TMTC3: variants seen among roughly 807,000 people sequenced by gnomAD.
TMTC3 encodes the protein transmembrane O-mannosyltransferase targeting cadherins 3.
In TMTC3, 52 loss-of-function variants were observed where a neutral mutation model predicts 92.2. That is an observed-to-expected ratio of 0.56 (90% CI 0.45 to 0.71). The LOEUF is 0.71. Ranked by LOEUF, TMTC3 falls within the 30% of genes least tolerant of loss-of-function variation. TMTC3 has a pLI of 0.00. For synonymous variants in TMTC3, 339 were observed against 363.3 expected (o/e 0.93, Z 0.76); for missense variants, 896 against 1,057.1 (o/e 0.85, Z 2.11).
In TMTC3 at chr12:88,192,678, GAAAT is replaced by G; in HGVS notation, c.1784_1787del (p.Asn595MetfsTer22). On this transcript the variant is annotated frameshift_variant, in exon 13 of 14. Coordinates refer to ENST00000266712, the MANE Select transcript of TMTC3 (RefSeq NM_181783.4). LOFTEE classifies it high-confidence loss of function. ...TATCTTAAAGCACTAGAGCTGGACA[GAAAT>G]AATGCAGATCTTTGGTACAACTTGG... 1.9e-6 allele frequency: 3 copies of G among 1,613,448 alleles called. No individual in the cohort carries two copies. The highest frequency in any genetic ancestry group is 2.5e-6 in the Non-Finnish European group (3 of 1,179,642).
chr12:88,153,175 G>C, intron 2 of TMTC3, 116 bp from the exon 3 acceptor site: 1 of 607,438 alleles, frequency 1.6e-6, no homozygotes, highest in South Asian at 2.5e-5. Flanking sequence ...ATATTTTATT[G>C]TTATTTCTCA....
intron 6 of TMTC3, 58 bp downstream of exon 6, chr12:88,160,909 G>A: frequency 6.9e-7 from 1 of 1,459,580 alleles, no homozygotes; most frequent in Non-Finnish European, 9.3e-7. Context: ...GGATTTTAAT[G>A]ATCATAAATG....
chr12:88,172,579 TTC>T lies in TMTC3; in HGVS notation c.1051-16_1051-15del. 2 of 1,322,462 alleles carry T rather than the reference TTC, an allele frequency of 1.5e-6. No homozygotes were observed. The highest frequency in any genetic ancestry group is 2.4e-5 in the South Asian group (1 of 41,370). 81.9% of individuals were successfully genotyped at this position (1,322,462 alleles called of 1,614,324 possible). A position where few individuals can be genotyped will look rare whatever the true frequency, so the allele number is the denominator to read the frequency against. On this transcript the variant is annotated splice_polypyrimidine_tract_variant and intron_variant, in intron 7 of 13. Coordinates refer to ENST00000266712, the MANE Select transcript of TMTC3 (RefSeq NM_181783.4). ...TAAATTTATTATAAATTATTAAATC[TTC>T]TTTTTTTTTTTGTAGGCGCTTTGTT...
intron 2 of TMTC3, among the ~76,000 whole-genome samples, chr12:88,151,645 C>T (rs924729765): frequency 6.6e-6 from 1 of 152,070 alleles, no homozygotes; most frequent in Non-Finnish European, 1.5e-5. Context: ...TCTAATAGTC[C>T]TAACTGAACA....
chr12:88,150,491 C>G (rs1442152514), intron 2 of TMTC3, among the ~76,000 whole-genome samples: 2 of 152,074 alleles, frequency 1.3e-5, no homozygotes, highest in African/African-American at 2.4e-5. Context: ...CTCAGCTTTG[C>G]AGATTGAAAA....
chr12:88,149,282 T>C (rs2040912935), intron 2 of TMTC3, among the ~76,000 whole-genome samples: 1 of 152,184 alleles, frequency 6.6e-6, no homozygotes, highest in Non-Finnish European at 1.5e-5. Flanking sequence ...TGTTAAACTG[T>C]TGGGATTAAA....
intron 10 of TMTC3, among the ~76,000 whole-genome samples, chr12:88,186,554 T>A (rs1337642303): frequency 6.6e-6 from 1 of 152,198 alleles, no homozygotes; most frequent in Non-Finnish European, 1.5e-5. Context: ...GATTGTTAAC[T>A]CATGCTGCTG....
At chr12:88,193,072 T>A (rs2041462158) in intron 13 of TMTC3, among the ~76,000 whole-genome samples, 1 of 152,144 alleles carries the variant, frequency 6.6e-6, no homozygotes, top group Non-Finnish European at 1.5e-5. Flanking sequence ...TAAGACTAAT[T>A]TTTCAGGCAG....
chr12:88,146,613 A>G (rs12316715), intron 1 of TMTC3, among the ~76,000 whole-genome samples: 10,593 of 66,860 alleles, frequency 0.16, 1,080 homozygotes, highest in African/African-American at 0.3. Context: ...GTGTGTGTGT[A>G]TATATATATA....
Position 88,197,887 on chromosome 12 carries a change from G to T in TMTC3, c.*2238G>T, listed in dbSNP as rs2041533557. 1 of 153,088 alleles carries T rather than the reference G, an allele frequency of 6.5e-6. No homozygotes were observed. The highest frequency in any genetic ancestry group is 1.5e-5 in the Non-Finnish European group (1 of 68,746). The allele number at this position is 153,088 out of a possible 1,614,324, so 9.5% of individuals were successfully genotyped here. On this transcript the variant is annotated 3_prime_UTR_variant, in exon 14 of 14. Coordinates refer to ENST00000266712, the MANE Select transcript of TMTC3 (RefSeq NM_181783.4). ...TAAGTCTAAATTTCTGGAAGATGGA[G>T]CCATGCTTGTTTTTCCAAAAGCTCT...
At chr12:88,194,299 A>T (rs1362652154) in intron 13 of TMTC3, among the ~76,000 whole-genome samples, 3 of 152,188 alleles carry the variant, frequency 2.0e-5, no homozygotes, top group Non-Finnish European at 4.4e-5. Context: ...TCCTCGAAAC[A>T]TTCCTAAAAC....
At chr12:88,184,586 A>G (rs1458934971) in intron 10 of TMTC3, among the ~76,000 whole-genome samples, 1 of 152,250 alleles carries the variant, frequency 6.6e-6, no homozygotes, top group East Asian at 1.9e-4. Flanking sequence ...AGGCTGAAAG[A>G]GAATGGATAG....
At chr12:88,145,515 A>C (rs1003288329) in intron 1 of TMTC3, among the ~76,000 whole-genome samples, 7 of 152,200 alleles carry the variant, frequency 4.6e-5, no homozygotes, top group African/African-American at 1.7e-4. Context: ...TATTTTGCCA[A>C]GGTTAGGGAC....
chr12:88,164,736 A>T (rs1372935707), intron 6 of TMTC3, among the ~76,000 whole-genome samples: 1 of 152,208 alleles, frequency 6.6e-6, no homozygotes, highest in East Asian at 1.9e-4. Flanking sequence ...CAAAAGGCCA[A>T]CATGTTATTC....
At chr12:88,146,889 T>A (rs1477573113) in intron 1 of TMTC3, among the ~76,000 whole-genome samples, 1 of 150,106 alleles carries the variant, frequency 6.7e-6, no homozygotes, top group African/African-American at 2.4e-5. Context: ...TAGTCAGTAG[T>A]TTAATATGTT....
intron 4 of TMTC3, among the ~76,000 whole-genome samples, chr12:88,154,856 C>T (rs2040986792): frequency 1.3e-5 from 2 of 152,178 alleles, no homozygotes; most frequent in Non-Finnish European, 2.9e-5. Context: ...CTGGAAAGTG[C>T]TTCGAATACA....
chr12:88,146,611 G>GTGTGTGTATA (rs755721380), intron 1 of TMTC3, among the ~76,000 whole-genome samples: 4 of 147,880 alleles, frequency 2.7e-5, no homozygotes, highest in African/African-American at 9.9e-5. Flanking sequence ...GTGTGTGTGT[G>GTGTGTGTATA]TATATATATA....
chr12:88,148,566 ATTAC>A (rs2040903758), intron 2 of TMTC3, 62 bp downstream of exon 2: 5 of 1,211,576 alleles, frequency 4.1e-6, no homozygotes, highest in Admixed American at 2.4e-5. Context: ...CTGGTATTTT[ATTAC>A]TTCTAATTCT....
chr12:88,176,397 T>C, intron 10 of TMTC3, 78 bp downstream of exon 10: 1 of 1,032,808 alleles, frequency 9.7e-7, no homozygotes, highest in East Asian at 2.7e-5. Flanking sequence ...AATAAGGTAG[T>C]TTATTTACTA....
Sources: gnomAD v4.1 joint callset for allele counts (sites outside exome capture counted in the v4.1 genomes callset) on GRCh38, gnomAD v4.1.1 for gene constraint, MANE v1.5 for transcripts, NCBI Gene and HGNC (gene_info 2026-07-23, HGNC 2026-07-21) for gene names.